ABLIM1: variants seen among roughly 807,000 people sequenced by gnomAD.
ABLIM1 encodes actin-binding LIM protein 1.
In ABLIM1, 40 loss-of-function variants were observed where a neutral mutation model predicts 107.0. That is an observed-to-expected ratio of 0.37 (90% CI 0.29 to 0.49). The LOEUF (loss-of-function observed/expected upper bound fraction) is 0.49. Ranked by LOEUF, ABLIM1 falls within the 20% of genes least tolerant of loss-of-function variation. The pLI is 0.97. For synonymous variants in ABLIM1, 357 were observed against 357.3 expected (o/e 1.00, Z 0.01); for missense variants, 857 against 1,008.5 (o/e 0.85, Z 2.04).
chr10:114,632,227 A>G, intron 1 of ABLIM1: 6 of 985,308 alleles, frequency 6.1e-6, no homozygotes, highest in Non-Finnish European at 7.2e-6. Context: ...ACAAATGCAA[A>G]ATTCTACTGT....
chr10:114,598,087 T>C (rs1248013684), intron 2 of ABLIM1, among the ~76,000 whole-genome samples: 1 of 151,828 alleles, frequency 6.6e-6, no homozygotes, highest in African/African-American at 2.4e-5. Context: ...GCCTGGTCAA[T>C]ATGGTAAAAC....
rs575631028 is a variant in ABLIM1, at chr10:114,579,351, C to T, written c.380-3752G>A. ...GATTGTGGATATTGACAGCCCTCTACGTTGCAGACATTGATCTGTCTGTGA... is the reference window on the plus strand; with the variant it reads ...GATTGTGGATATTGACAGCCCTCTATGTTGCAGACATTGATCTGTCTGTGA... On this transcript the variant is annotated intron_variant, in intron 2 of 22. Transcript: ENST00000533213. Among the ~76,000 whole-genome samples, 5 of 152,240 alleles carry T rather than the reference C, an allele frequency of 3.3e-5. No homozygotes were observed. In the South Asian group the frequency reaches 6.2e-4, roughly 19 times the overall value.
the ABLIM1 span, among the ~76,000 whole-genome samples, chr10:114,790,799 T>C: frequency 6.6e-6 from 1 of 152,146 alleles, no homozygotes; most frequent in Non-Finnish European, 1.5e-5. Flanking sequence ...AATAAGAAAA[T>C]AAAGCTTATA....
chr10:114,688,177 T>C (rs1294166872), upstream of ABLIM1, among the ~76,000 whole-genome samples: 1 of 152,192 alleles, frequency 6.6e-6, no homozygotes, highest in African/African-American at 2.4e-5. Flanking sequence ...AACTACGTCC[T>C]CCGTGCTAAT....
At chr10:114,690,576 A>G in intron 1 of ABLIM1, 3 of 982,788 alleles carry the variant, frequency 3.1e-6, no homozygotes, top group African/African-American at 1.6e-5. Context: ...AAACAGCTCA[A>G]AGGAGATGCA....
At chr10:114,662,405 G>A (rs1026198041), upstream of ABLIM1, among the ~76,000 whole-genome samples, 28 of 151,866 alleles carry the variant, frequency 1.8e-4, no homozygotes, top group African/African-American at 6.5e-4. Flanking sequence ...GTGACGACTC[G>A]GCCCATTTGA....
chr10:114,655,681 CA>C (rs2079470236), intron 1 of ABLIM1, among the ~76,000 whole-genome samples: 1 of 152,194 alleles, frequency 6.6e-6, no homozygotes. Context: ...CTACAATAGG[CA>C]TACTCAGCTG....
At chr10:114,748,948 T>C (rs2082447760) in intron 1 of ABLIM1, among the ~76,000 whole-genome samples, 1 of 152,092 alleles carries the variant, frequency 6.6e-6, no homozygotes, top group Non-Finnish European at 1.5e-5. Flanking sequence ...GCTGGGATTA[T>C]AGCCATGAGC....
intron 6 of ABLIM1, among the ~76,000 whole-genome samples, chr10:114,536,418 T>C (rs1296858669): frequency 1.3e-5 from 2 of 151,734 alleles, no homozygotes; most frequent in African/African-American, 2.4e-5. Flanking sequence ...CAGCTAATTT[T>C]TGTATTTTTA....
intron 7 of ABLIM1, among the ~76,000 whole-genome samples, chr10:114,490,317 C>A (rs1481961327): frequency 2.0e-5 from 3 of 152,134 alleles, no homozygotes; most frequent in African/African-American, 4.8e-5. Flanking sequence ...CATTCTAAAG[C>A]CAAAAAGAAG....
intron 17 of ABLIM1, 51 bp downstream of exon 17, chr10:114,443,978 A>T: frequency 6.8e-7 from 1 of 1,467,206 alleles, no homozygotes; most frequent in Non-Finnish European, 9.4e-7. Flanking sequence ...GGTGCCTTAC[A>T]AGCAGGTGGC....
At chr10:114,786,204 G>A in the ABLIM1 span, among the ~76,000 whole-genome samples, 1 of 151,998 alleles carries the variant, frequency 6.6e-6, no homozygotes, top group Admixed American at 6.6e-5. Flanking sequence ...AGTATTTATG[G>A]TAATACTATT....
intron 11 of ABLIM1, among the ~76,000 whole-genome samples, chr10:114,467,551 T>C (rs1241053972): frequency 6.6e-6 from 1 of 152,244 alleles, no homozygotes; most frequent in African/African-American, 2.4e-5. Context: ...GATTATGTGC[T>C]TCAAGCTTGC....
chr10:114,444,082 C>A lies in ABLIM1; in HGVS notation c.1880G>T (p.Ser627Ile). The A allele has an allele frequency of 6.2e-7, 1 of 1,612,654 alleles. No individual in the cohort carries two copies. Among genetic ancestry groups the A allele is most frequent in the Non-Finnish European group, 8.5e-7 (1 of 1,179,628 alleles). Residue 627 changes from serine (S) to isoleucine (I), a missense_variant, in exon 17 of 23, where the codon AGC (serine) becomes ATC (isoleucine). By Grantham distance (142) the Ser-to-Ile change is moderately radical. This residue lies in a region of ABLIM1 where 193 missense variants were observed against 208.5 expected (regional missense o/e 0.93). Coordinates refer to ENST00000533213, the MANE Select transcript of ABLIM1 (RefSeq NM_002313.7). ...LILKEEMEKE[S>I]RERSSLLASR... The stretch of plus-strand genomic sequence containing the variant: ...GGCTAACAGAGATGACCTTTCCCGG[C>A]TCTCTTTCTCCATCTCTTCTTTCAA...
chr10:114,635,586 A>G lies in ABLIM1; in HGVS notation c.244+22371T>C, dbSNP rs189759306. Among the ~76,000 whole-genome samples the G allele has an allele frequency of 4.3e-4, 65 of 152,302 alleles. No individual in the cohort carries two copies. The East Asian group carries it at 4.4e-3, about 10-fold the overall frequency. On this transcript the variant is annotated intron_variant, in intron 1 of 22. Coordinates refer to ENST00000533213, the MANE Select transcript of ABLIM1 (RefSeq NM_002313.7). ...GTCACCCAGGCTGGAGTGCAGTGGC[A>G]CATCTCAGGTCACTGCAACCTCCGC...
intron 10 of ABLIM1, among the ~76,000 whole-genome samples, chr10:114,468,525 T>C (rs1322089701): frequency 6.6e-6 from 1 of 152,008 alleles, no homozygotes; most frequent in African/African-American, 2.4e-5. Flanking sequence ...CCGCCCCCCT[T>C]AGCCTCCCAA....
Position 114,465,791 on chromosome 10 carries a change from A to C in ABLIM1, c.1348T>G (p.Ser450Ala). ...QDVRDRMIHR[S>A]TSQGSINSPV... Reference sequence around the variant, plus strand: ...GAGTTGATGGAGCCCTGGCTCGTGGACCGATGGATCATCCGATCCCGAACA... The same window carrying C: ...GAGTTGATGGAGCCCTGGCTCGTGGCCCGATGGATCATCCGATCCCGAACA... The change falls in exon 12 of 23, where the codon TCC (serine) becomes GCC (alanine). Residue 450 changes from serine (S) to alanine (A), a missense_variant. This residue lies in a region of ABLIM1 where 381 missense variants were observed against 506.9 expected (regional missense o/e 0.75). Coordinates refer to ENST00000533213, the MANE Select transcript of ABLIM1 (RefSeq NM_002313.7). 2 of 1,614,110 alleles carry C rather than the reference A, an allele frequency of 1.2e-6. No homozygotes were observed. Among genetic ancestry groups the C allele is most frequent in the Non-Finnish European group, 1.7e-6 (2 of 1,180,008 alleles).
At chr10:114,561,945 G>A (rs1433870639) in intron 4 of ABLIM1, among the ~76,000 whole-genome samples, 1 of 152,180 alleles carries the variant, frequency 6.6e-6, no homozygotes, top group Non-Finnish European at 1.5e-5. Flanking sequence ...CTGGGATCTT[G>A]ATGTCTGGGT....
chr10:114,635,470 G>A (rs186497657), intron 1 of ABLIM1, among the ~76,000 whole-genome samples: 86 of 152,332 alleles, frequency 5.6e-4, no homozygotes, highest in African/African-American at 1.9e-3. Context: ...GGATCCCTCC[G>A]TGGGACTGGA....
Sources: gnomAD v4.1 joint callset for allele counts (sites outside exome capture counted in the v4.1 genomes callset) on GRCh38, gnomAD v4.1.1 for gene constraint, gnomAD v4.1.1 regional missense constraint, MANE v1.5 for transcripts, NCBI Gene and HGNC (gene_info 2026-07-23, HGNC 2026-07-21) for gene names.